Variants in LONP2 observed in about 807,000 individuals in gnomAD.
LONP2 encodes the protein lon protease homolog 2, peroxisomal.
LONP2 carries 60 observed loss-of-function variants against 85.6 expected under a neutral mutation model. The observed-to-expected ratio is 0.70, with a 90% CI of 0.57 to 0.87. The LOEUF (loss-of-function observed/expected upper bound fraction) is 0.87, where lower values mean the gene tolerates loss of function less well. Among genes scored for constraint, LONP2 ranks in the 40% least tolerant of loss-of-function variants. LONP2 has a pLI of 0.00. For synonymous variants in LONP2, 395 were observed against 389.7 expected (o/e 1.01, Z -0.16); for missense variants, 860 against 1,063.5 (o/e 0.81, Z 2.66).
intron 6 of LONP2, among the ~76,000 whole-genome samples, chr16:48,264,448 G>A (rs914022893): frequency 2.6e-5 from 4 of 152,152 alleles, no homozygotes; most frequent in Non-Finnish European, 4.4e-5. Context: ...TGTTCTGCCC[G>A]GCTCACCAGC....
chr16:48,245,370 C>A (rs1971308752), intron 1 of LONP2, among the ~76,000 whole-genome samples: 1 of 152,192 alleles, frequency 6.6e-6, no homozygotes, highest in Admixed American at 6.5e-5. Context: ...GCTTTAACCT[C>A]TATTTCTTTT....
At chr16:48,301,288 G>A (rs961206286) in intron 10 of LONP2, among the ~76,000 whole-genome samples, 15 of 152,074 alleles carry the variant, frequency 9.9e-5, no homozygotes, top group South Asian at 2.1e-4. Context: ...TAATTCTAGC[G>A]AATAACTACC....
rs1029037789 is a variant in LONP2, at chr16:48,356,431, G to A, written c.*4629G>A. On this transcript the variant is annotated 3_prime_UTR_variant, in exon 15 of 15. Coordinates refer to ENST00000285737, the MANE Select transcript of LONP2 (RefSeq NM_031490.5). ...ATGTAAACATCAAGTAGTTTTGGTTGTTTCAATGAAGTAACATGTTTAAGC... is the reference window on the plus strand; with the variant it reads ...ATGTAAACATCAAGTAGTTTTGGTTATTTCAATGAAGTAACATGTTTAAGC... 6.9e-6 allele frequency: 1 copy of A among 145,488 alleles called. No individual in the cohort carries two copies. The allele number at this position is 145,488 out of a possible 1,614,324, so 9.0% of individuals were successfully genotyped here. A position where few individuals can be genotyped will look rare whatever the true frequency, so the allele number is the denominator to read the frequency against.
chr16:48,325,056 C>A (rs1389324318), intron 11 of LONP2, among the ~76,000 whole-genome samples: 1 of 152,178 alleles, frequency 6.6e-6, no homozygotes, highest in African/African-American at 2.4e-5. Flanking sequence ...TCATGGGAGA[C>A]AGTTTTTCCA....
downstream of LONP2, chr16:48,361,462 CCT>C: frequency 1.1e-6 from 1 of 928,116 alleles, no homozygotes; most frequent in Non-Finnish European, 1.7e-6. Context: ...TTTTTATTTA[CCT>C]TCATGTGTCT....
At chr16:48,292,965 A>T (rs74016401) in intron 8 of LONP2, among the ~76,000 whole-genome samples, 2,083 of 152,326 alleles carry the variant, frequency 0.014, 47 homozygotes, top group African/African-American at 0.047. Context: ...ACACTGTTTT[A>T]AAAACCTCCT....
chr16:48,246,486 C>T (rs1469412567), intron 1 of LONP2, among the ~76,000 whole-genome samples: 1 of 152,206 alleles, frequency 6.6e-6, no homozygotes, highest in African/African-American at 2.4e-5. Context: ...ACATTGTGAA[C>T]TTGAAAAGTC....
intron 8 of LONP2, among the ~76,000 whole-genome samples, chr16:48,281,304 A>G (rs1198505824): frequency 6.6e-6 from 1 of 152,140 alleles, no homozygotes; most frequent in Non-Finnish European, 1.5e-5. Context: ...CTTATGTAAA[A>G]CAGAATGTAT....
chr16:48,269,386 T>A (rs55727534), intron 6 of LONP2, among the ~76,000 whole-genome samples: 2,078 of 152,248 alleles, frequency 0.014, 46 homozygotes, highest in African/African-American at 0.047. Flanking sequence ...ATAGATAATT[T>A]AGTAATGGAA....
intron 7 of LONP2, among the ~76,000 whole-genome samples, chr16:48,272,835 T>C (rs527390400): frequency 6.6e-6 from 1 of 152,310 alleles, no homozygotes; most frequent in Non-Finnish European, 1.5e-5. Flanking sequence ...AAAAATTTTA[T>C]TTCAAACCCT....
rs143605087 is a variant in LONP2, at chr16:48,334,257, A to G, written c.1837A>G (p.Ile613Val). The change falls in exon 12 of 15, where the codon ATC becomes GTC. Residue 613 changes from isoleucine to valine, a missense_variant. Transcript: ENST00000285737. ...HILEDEKPES[I>V]SDTTDLALPP... Reference sequence around the variant, plus strand: ...CTTAGAAGATGAAAAACCTGAATCTATCAGTGACACTACTGACTTGGCTCT... The same window carrying G: ...CTTAGAAGATGAAAAACCTGAATCTGTCAGTGACACTACTGACTTGGCTCT... 54 of 1,613,900 alleles carry G rather than the reference A, an allele frequency of 3.3e-5. No individual in the cohort carries two copies. The highest frequency in any genetic ancestry group is 4.1e-5 in the Non-Finnish European group (48 of 1,179,878).
At chr16:48,282,089 C>T (rs1972339744) in intron 8 of LONP2, among the ~76,000 whole-genome samples, 1 of 152,164 alleles carries the variant, frequency 6.6e-6, no homozygotes, top group Non-Finnish European at 1.5e-5. Flanking sequence ...TTGTACTTCA[C>T]AGACTGTGTT....
At chr16:48,255,726 A>G (rs1971745208) in intron 2 of LONP2, among the ~76,000 whole-genome samples, 1 of 152,066 alleles carries the variant, frequency 6.6e-6, no homozygotes, top group African/African-American at 2.4e-5. Context: ...TTGGTGGTGA[A>G]TAAGTCTCAC....
downstream of LONP2, chr16:48,360,835 A>G (rs959842605): frequency 1.3e-5 from 2 of 152,334 alleles, no homozygotes; most frequent in Non-Finnish European, 2.9e-5. Flanking sequence ...AGAGCACCTT[A>G]TAGATGCTTT....
intron 11 of LONP2, among the ~76,000 whole-genome samples, chr16:48,315,351 A>C (rs1435780887): frequency 6.6e-6 from 1 of 152,168 alleles, no homozygotes; most frequent in Non-Finnish European, 1.5e-5. Context: ...ACAGAATACC[A>C]CAGACTGGGT....
rs1960180495 is a variant in LONP2 at position 48,352,471 on chromosome 16, T to C, written c.*669T>C. 1 of 152,126 alleles carries C rather than the reference T, an allele frequency of 6.6e-6. No individual in the cohort carries two copies. The highest frequency in any genetic ancestry group is 6.5e-5 in the Admixed American group (1 of 15,278). The allele number at this position is 152,126 out of a possible 1,614,324, so 9.4% of individuals were successfully genotyped here. A position where few individuals can be genotyped will look rare whatever the true frequency, so the allele number is the denominator to read the frequency against. On this transcript the variant is annotated 3_prime_UTR_variant, in exon 15 of 15. Coordinates refer to ENST00000285737, the MANE Select transcript of LONP2 (RefSeq NM_031490.5). Reference sequence around the variant, plus strand: ...ACAATCCTGGCCAACGGCGAAACTCTGTCTCTACAAAAAATATACAGGCGT... The same window carrying C: ...ACAATCCTGGCCAACGGCGAAACTCCGTCTCTACAAAAAATATACAGGCGT...
chr16:48,341,739 A>G (rs1022664260), intron 12 of LONP2, among the ~76,000 whole-genome samples: 2 of 152,218 alleles, frequency 1.3e-5, no homozygotes, highest in Admixed American at 1.3e-4. Context: ...CAGAAACAAT[A>G]TCAATTAAGT....
At chr16:48,312,221 G>A (rs1358696138) in intron 11 of LONP2, among the ~76,000 whole-genome samples, 1 of 152,154 alleles carries the variant, frequency 6.6e-6, no homozygotes, top group Non-Finnish European at 1.5e-5. Context: ...AGGATTACAG[G>A]TGTGAGCCAC....
intron 12 of LONP2, among the ~76,000 whole-genome samples, chr16:48,336,955 C>A (rs1959666818): frequency 6.6e-6 from 1 of 152,152 alleles, no homozygotes; most frequent in Admixed American, 6.5e-5. Context: ...GGTCTGATGA[C>A]CACCAGCCCC....
Sources: gnomAD v4.1 joint callset for allele counts (sites outside exome capture counted in the v4.1 genomes callset) on GRCh38, gnomAD v4.1.1 for gene constraint, MANE v1.5 for transcripts, NCBI Gene and HGNC (gene_info 2026-07-23, HGNC 2026-07-21) for gene names.